SHISA9: variants seen among roughly 807,000 people sequenced by gnomAD.
The protein encoded by SHISA9 is protein shisa-9.
SHISA9 carries 13 observed loss-of-function variants against 38.0 expected under a neutral mutation model. The ratio of observed to expected loss-of-function variants is 0.34; its 90% confidence interval spans 0.22 to 0.54. The LOEUF is 0.54. Ranked by LOEUF, SHISA9 falls within the 20% of genes least tolerant of loss-of-function variation. The pLI is 0.91. For synonymous variants in SHISA9, 275 were observed against 242.0 expected (o/e 1.14, Z -1.27); for missense variants, 538 against 575.8 (o/e 0.93, Z 0.67).
chr16:13,027,216 C>T (rs913847730), intron 2 of SHISA9, among the ~76,000 whole-genome samples: 8 of 152,154 alleles, frequency 5.3e-5, no homozygotes, highest in East Asian at 1.9e-4. Context: ...TTTGGATGTT[C>T]TTATCTGGAG....
At chr16:13,004,963 AAAAG>A (rs914871516) in intron 2 of SHISA9, among the ~76,000 whole-genome samples, 7 of 13,224 alleles carry the variant, frequency 5.3e-4, no homozygotes, top group African/African-American at 9.1e-4. Flanking sequence ...AAAAAAGAAA[AAAAG>A]AAAGAAAGAA....
the SHISA9 span, among the ~76,000 whole-genome samples, chr16:13,473,613 T>A: frequency 1.3e-5 from 2 of 152,144 alleles, no homozygotes; most frequent in African/African-American, 4.8e-5. Context: ...CACTCTTCAT[T>A]AAGCTGTCAA....
chr16:12,946,774 C>G (rs1283697145), intron 2 of SHISA9, among the ~76,000 whole-genome samples: 1 of 152,258 alleles, frequency 6.6e-6, no homozygotes, highest in East Asian at 1.9e-4. Flanking sequence ...CCAACATTCT[C>G]AACAGCTGGT....
At chr16:13,178,852 T>TTGA (rs759640415) in intron 2 of SHISA9, among the ~76,000 whole-genome samples, 4 of 152,140 alleles carry the variant, frequency 2.6e-5, no homozygotes, top group Non-Finnish European at 5.9e-5. Flanking sequence ...TTTGTTGTTG[T>TTGA]TGTTGTTGTT....
chr16:13,001,782 C>T (rs1410917757), intron 2 of SHISA9, among the ~76,000 whole-genome samples: 1 of 152,082 alleles, frequency 6.6e-6, no homozygotes, highest in Non-Finnish European at 1.5e-5. Context: ...GATAAGCATG[C>T]TGACATACTT....
the SHISA9 span, among the ~76,000 whole-genome samples, chr16:13,377,715 A>G: frequency 3.9e-5 from 6 of 152,148 alleles, no homozygotes; most frequent in Non-Finnish European, 4.4e-5. Flanking sequence ...TCCTTTCTCT[A>G]TGAAAAATAA....
At chr16:13,486,283 C>T in the SHISA9 span, among the ~76,000 whole-genome samples, 1 of 152,156 alleles carries the variant, frequency 6.6e-6, no homozygotes, top group African/African-American at 2.4e-5. Flanking sequence ...ATAAAACAGC[C>T]ATTAAGATAG....
At chr16:12,952,913 AT>A (rs2071778400) in intron 2 of SHISA9, among the ~76,000 whole-genome samples, 2 of 152,132 alleles carry the variant, frequency 1.3e-5, no homozygotes, top group Admixed American at 6.6e-5. Context: ...ACAAATGTTT[AT>A]TGAACACCTA....
At chr16:13,429,874 TTG>T in the SHISA9 span, among the ~76,000 whole-genome samples, 1 of 152,206 alleles carries the variant, frequency 6.6e-6, no homozygotes, top group Non-Finnish European at 1.5e-5. Flanking sequence ...ATGAGCTAAA[TTG>T]TGTCTCCCCC....
chr16:13,289,804 A>G, the SHISA9 span, among the ~76,000 whole-genome samples: 1 of 152,172 alleles, frequency 6.6e-6, no homozygotes, highest in Non-Finnish European at 1.5e-5. Context: ...TGATCACTGT[A>G]AGCAACTCTA....
intron 2 of SHISA9, among the ~76,000 whole-genome samples, chr16:12,954,220 C>T (rs772156685): frequency 3.3e-5 from 5 of 152,076 alleles, no homozygotes; most frequent in African/African-American, 9.7e-5. Context: ...TGTGCAAAGG[C>T]GTAGAGATGT....
chr16:12,916,397 C>T (rs182013868), intron 1 of SHISA9, among the ~76,000 whole-genome samples: 60 of 152,260 alleles, frequency 3.9e-4, no homozygotes, highest in African/African-American at 1.4e-3. Context: ...AGTGCAGACA[C>T]ATTATATGTA....
chr16:12,970,352 T>C (rs1266606168), intron 2 of SHISA9, among the ~76,000 whole-genome samples: 1 of 43,206 alleles, frequency 2.3e-5, no homozygotes, highest in Admixed American at 3.1e-4. Flanking sequence ...TACATATATG[T>C]GTATATATAT....
chr16:13,197,735 G>C lies in SHISA9; in HGVS notation c.692-5659G>C, dbSNP rs191772497. On this transcript the variant is annotated intron_variant, in intron 2 of 4. Coordinates refer to ENST00000558583, the MANE Select transcript of SHISA9 (RefSeq NM_001145204.3). ...GGTCGTAATGAGTTGCGCTTATAAT[G>C]GGTGGAGGGGGGAATTTTCTTGTGG... 4.3e-4 allele frequency: 66 copies of C among 152,300 alleles called. 2 individuals carry two copies. Among genetic ancestry groups the C allele is most frequent in the African/African-American group, 1.5e-3 (61 of 41,560 alleles). The allele number at this position is 152,300 out of a possible 1,614,324, so 9.4% of individuals were successfully genotyped here. A position where few individuals can be genotyped will look rare whatever the true frequency, so the allele number is the denominator to read the frequency against.
intron 2 of SHISA9, among the ~76,000 whole-genome samples, chr16:13,138,357 C>T (rs750685639): frequency 2.0e-5 from 3 of 152,180 alleles, no homozygotes; most frequent in Admixed American, 1.3e-4. Context: ...TAGGTGCTTA[C>T]ATTTTCCACA....
At chr16:13,386,799 T>C in the SHISA9 span, among the ~76,000 whole-genome samples, 2 of 152,230 alleles carry the variant, frequency 1.3e-5, no homozygotes, top group African/African-American at 2.4e-5. Flanking sequence ...GTTATTGTAA[T>C]GTTTAATTAC....
chr16:13,418,923 G>C, the SHISA9 span, among the ~76,000 whole-genome samples: 2 of 152,188 alleles, frequency 1.3e-5, no homozygotes, highest in Non-Finnish European at 2.9e-5. Context: ...CTAATAGCCT[G>C]ATTAATGAGG....
At chr16:13,536,897 C>G in the SHISA9 span, among the ~76,000 whole-genome samples, 52 of 152,160 alleles carry the variant, frequency 3.4e-4, no homozygotes, top group African/African-American at 1.3e-3. Flanking sequence ...GCTGGGATCC[C>G]ACACTAATGT....
At chr16:13,149,225 C>G (rs902443277) in intron 2 of SHISA9, among the ~76,000 whole-genome samples, 3 of 152,168 alleles carry the variant, frequency 2.0e-5, no homozygotes, top group Admixed American at 2.0e-4. Context: ...CTGAAACTCT[C>G]TTGATGGGAG....
Sources: allele counts gnomAD v4.1 joint callset (sites outside exome capture counted in the v4.1 genomes callset), GRCh38; gene constraint gnomAD v4.1.1; transcripts MANE v1.5; gene names NCBI Gene and HGNC (gene_info 2026-07-23, HGNC 2026-07-21).